Variants in SEL1L2 observed in about 807,000 individuals in gnomAD.
SEL1L2 encodes SEL1L2 adaptor subunit of SYVN1 ubiquitin ligase.
A neutral mutation model predicts 98.8 loss-of-function variants in SEL1L2; 89 were observed. The ratio of observed to expected loss-of-function variants is 0.90; its 90% confidence interval spans 0.76 to 1.07. SEL1L2 has a LOEUF of 1.07. SEL1L2 is among the 50% of genes least tolerant of loss of function. The pLI is 0.00. For synonymous variants in SEL1L2, 262 were observed against 278.5 expected (o/e 0.94, Z 0.59); for missense variants, 788 against 812.0 (o/e 0.97, Z 0.36).
At chr20:13,931,048 ATT>A (rs11469570) in intron 3 of SEL1L2, among the ~76,000 whole-genome samples, 38,684 of 144,088 alleles carry the variant, frequency 0.27, 5,480 homozygotes, top group Admixed American at 0.4. Flanking sequence ...AGGAGTATCT[ATT>A]TTTTTTTTTT....
Position 13,888,150 on chromosome 20 carries a change from G to A in SEL1L2, c.604-149C>T, listed in dbSNP as rs1413267275. The stretch of plus-strand genomic sequence containing the variant: ...TAAATTTCAAATTTCACTCTCCTTT[G>A]TAAAGATGTTTGCCATTTATTAGGG... On this transcript the variant is annotated intron_variant, in intron 6 of 19. Transcript: ENST00000284951. 4 of 699,614 alleles carry A rather than the reference G, an allele frequency of 5.7e-6. No individual in the cohort carries two copies. The Admixed American group carries it at 8.5e-5, about 15-fold the overall frequency. 43.3% of individuals were successfully genotyped at this position (699,614 alleles called of 1,614,324 possible). A position where few individuals can be genotyped will look rare whatever the true frequency, so the allele number is the denominator to read the frequency against.
intron 2 of SEL1L2, among the ~76,000 whole-genome samples, chr20:13,942,763 G>A (rs548515081): frequency 6.6e-6 from 1 of 152,016 alleles, no homozygotes; most frequent in South Asian, 2.1e-4. Context: ...AGCTTTCTAG[G>A]TCTTAAATAA....
intron 10 of SEL1L2, among the ~76,000 whole-genome samples, chr20:13,884,385 G>A (rs1446913131): frequency 6.6e-6 from 1 of 152,134 alleles, no homozygotes; most frequent in Non-Finnish European, 1.5e-5. Flanking sequence ...ATCTAAGCAA[G>A]AACTCATCCC....
At chr20:13,907,995 C>T (rs2048041052) in intron 5 of SEL1L2, among the ~76,000 whole-genome samples, 1 of 150,976 alleles carries the variant, frequency 6.6e-6, no homozygotes, top group Non-Finnish European at 1.5e-5. Flanking sequence ...CTATGTTGCC[C>T]AGGGTAGTCT....
At chr20:13,946,341 A>G (rs534427607) in intron 2 of SEL1L2, among the ~76,000 whole-genome samples, 2 of 152,344 alleles carry the variant, frequency 1.3e-5, no homozygotes, top group Non-Finnish European at 2.9e-5. Context: ...TCTATATACT[A>G]CAAATGAAGA....
At position 13,946,518 on chromosome 20, in the gene SEL1L2, G is replaced by A. The variant is rs6042444; in HGVS notation, c.114+9558C>T. Reference sequence around the variant, plus strand: ...ACTAACAAATGGAAATGATGATGGTGGTGGCCCACCTGGAGCAGCCACTGC... The same window carrying A: ...ACTAACAAATGGAAATGATGATGGTAGTGGCCCACCTGGAGCAGCCACTGC... On this transcript the variant is annotated intron_variant, in intron 2 of 19. Transcript: ENST00000284951. Among the ~76,000 whole-genome samples the A allele has an allele frequency of 7.0e-3, 1,074 of 152,352 alleles. 13 individuals are homozygous for A. The highest frequency in any genetic ancestry group is 0.024 in the African/African-American group (1,012 of 41,584).
chr20:13,982,078 T>C (rs1328588961), intron 1 of SEL1L2, among the ~76,000 whole-genome samples: 1 of 152,188 alleles, frequency 6.6e-6, no homozygotes, highest in Non-Finnish European at 1.5e-5. Context: ...TACTGTGAGA[T>C]TGATGAGCTA....
chr20:13,912,555 C>T (rs779007509), intron 5 of SEL1L2, among the ~76,000 whole-genome samples: 1 of 152,042 alleles, frequency 6.6e-6, no homozygotes, highest in Non-Finnish European at 1.5e-5. Flanking sequence ...CCTTGGCCTC[C>T]CAAAGTGCTA....
chr20:13,915,607 C>A (rs540280382), intron 4 of SEL1L2, among the ~76,000 whole-genome samples: 6 of 152,166 alleles, frequency 3.9e-5, no homozygotes, highest in African/African-American at 9.7e-5. Flanking sequence ...GCATTTTATA[C>A]ACAGTCTCTG....
intron 3 of SEL1L2, among the ~76,000 whole-genome samples, chr20:13,924,450 G>A (rs1478596973): frequency 6.6e-6 from 1 of 151,172 alleles, no homozygotes; most frequent in Non-Finnish European, 1.5e-5. Context: ...TTAAGAGACA[G>A]GGTCTCACTC....
At chr20:13,877,709 TA>T (rs1201170647) in intron 10 of SEL1L2, 121 bp from the exon 11 acceptor site, 18 of 736,656 alleles carry the variant, frequency 2.4e-5, no homozygotes, top group African/African-American at 5.3e-5. Flanking sequence ...CCACTGAGCT[TA>T]AAAAAAATCT....
chr20:13,874,139 C>T (rs538562677), intron 12 of SEL1L2, among the ~76,000 whole-genome samples: 8 of 151,960 alleles, frequency 5.3e-5, no homozygotes, highest in Non-Finnish European at 4.4e-5. Context: ...ATGCTCAGGG[C>T]GCAAGAGAGA....
At position 13,859,280 on chromosome 20, in the gene SEL1L2, G is replaced by A. The variant is rs372265984; in HGVS notation, c.1800C>T (p.His600=). The stretch of plus-strand genomic sequence containing the variant: ...AAATTACCTTTGTGATGCCTAAGCC[G>A]TGTTCATACATATAAGCCAGATTGA... The part of the protein sequence containing the change: ...AMFNLAYMYE[H]GLGITKDIHL... The change falls in exon 18 of 20, where the codon CAC becomes CAT. Residue 600 remains histidine, a synonymous_variant. Transcript: ENST00000284951. The A allele has an allele frequency of 1.8e-4, 285 of 1,613,596 alleles. 2 individuals carry two copies. Among genetic ancestry groups the A allele is most frequent in the Middle Eastern group, 6.6e-4 (4 of 6,062 alleles).
chr20:13,912,266 T>C (rs1473342310), intron 5 of SEL1L2, among the ~76,000 whole-genome samples: 1 of 151,632 alleles, frequency 6.6e-6, no homozygotes, highest in Non-Finnish European at 1.5e-5. Context: ...AGGTATGGCA[T>C]AGCATCTGGA....
At chr20:13,943,005 A>G (rs1417519528) in intron 2 of SEL1L2, among the ~76,000 whole-genome samples, 1 of 152,114 alleles carries the variant, frequency 6.6e-6, no homozygotes, top group Non-Finnish European at 1.5e-5. Flanking sequence ...TTTAAAACAA[A>G]GCAAATATGT....
At chr20:13,952,693 C>A (rs1259765168) in intron 2 of SEL1L2, among the ~76,000 whole-genome samples, 1 of 152,166 alleles carries the variant, frequency 6.6e-6, no homozygotes, top group African/African-American at 2.4e-5. Context: ...TCAATCTATA[C>A]CCCTTTTGAA....
At chr20:13,962,391 A>T (rs1486250591) in intron 1 of SEL1L2, among the ~76,000 whole-genome samples, 1 of 152,172 alleles carries the variant, frequency 6.6e-6, no homozygotes, top group African/African-American at 2.4e-5. Context: ...TTCCTGGGGC[A>T]ATGCTGTGAG....
chr20:13,907,994 C>T (rs902814598), intron 5 of SEL1L2, among the ~76,000 whole-genome samples: 1 of 150,376 alleles, frequency 6.6e-6, no homozygotes, highest in African/African-American at 2.4e-5. Flanking sequence ...ACTATGTTGC[C>T]CAGGGTAGTC....
chr20:13,965,017 A>C (rs1259725344), intron 1 of SEL1L2, among the ~76,000 whole-genome samples: 1 of 151,750 alleles, frequency 6.6e-6, no homozygotes, highest in East Asian at 1.9e-4. Flanking sequence ...ATGATTTTGT[A>C]TTTCTCAGTG....
Sources: allele counts gnomAD v4.1 joint callset (sites outside exome capture counted in the v4.1 genomes callset), GRCh38; gene constraint gnomAD v4.1.1; transcripts MANE v1.5; gene names NCBI Gene and HGNC (gene_info 2026-07-23, HGNC 2026-07-21).